Variants in ANKRD31 observed in about 807,000 individuals in gnomAD.
The protein encoded by ANKRD31 is ankyrin repeat domain-containing protein 31.
ANKRD31 carries 147 observed loss-of-function variants against 186.0 expected under a neutral mutation model. That is an observed-to-expected ratio of 0.79 (90% CI 0.69 to 0.91). The LOEUF (loss-of-function observed/expected upper bound fraction) is 0.91. Ranked by LOEUF, ANKRD31 falls within the 40% of genes least tolerant of loss-of-function variation. The pLI, the probability that ANKRD31 is intolerant of heterozygous loss-of-function variation, is 0.00. For missense variants in ANKRD31, 1,986 were observed against 2,148.8 expected (o/e 0.92, Z 1.50); for synonymous variants, 673 against 736.4 (o/e 0.91, Z 1.39).
intron 20 of ANKRD31, among the ~76,000 whole-genome samples, chr5:75,109,336 A>C (rs1747585087): frequency 6.6e-6 from 1 of 152,184 alleles, no homozygotes; most frequent in Non-Finnish European, 1.5e-5. Flanking sequence ...CTTTAAGAAA[A>C]ATTTTCAAAG....
At chr5:75,090,064 C>T (rs1745814143) in intron 23 of ANKRD31, among the ~76,000 whole-genome samples, 1 of 152,150 alleles carries the variant, frequency 6.6e-6, no homozygotes, top group Non-Finnish European at 1.5e-5. Flanking sequence ...GTCCTGTGAG[C>T]TAAGATTCAG....
At chr5:75,188,457 C>T in intron 10 of ANKRD31, 36 bp downstream of exon 10, 3 of 1,519,494 alleles carry the variant, frequency 2.0e-6, no homozygotes, top group East Asian at 2.5e-5. Context: ...CTACAAACCA[C>T]TCTTAAGGTA....
At chr5:75,099,574 G>A (rs1422796752) in intron 22 of ANKRD31, among the ~76,000 whole-genome samples, 1 of 152,026 alleles carries the variant, frequency 6.6e-6, no homozygotes, top group African/African-American at 2.4e-5. Flanking sequence ...ACTTTTTTTG[G>A]TTGGTAGGCT....
intron 1 of ANKRD31, 97 bp downstream of exon 1, chr5:75,236,486 C>T (rs938018268): frequency 3.1e-6 from 3 of 982,996 alleles, no homozygotes; most frequent in Non-Finnish European, 4.4e-6. Context: ...AGCACATGTT[C>T]TGGTCACGAT....
chr5:75,119,534 A>G (rs913113263), intron 17 of ANKRD31, among the ~76,000 whole-genome samples: 1 of 152,184 alleles, frequency 6.6e-6, no homozygotes, highest in African/African-American at 2.4e-5. Context: ...TGTCTTTGCT[A>G]TTGTGAATAG....
chr5:75,104,088 A>G (rs1747130637), intron 22 of ANKRD31, 140 bp downstream of exon 22: 6 of 625,222 alleles, frequency 9.6e-6, no homozygotes, highest in South Asian at 9.3e-5. Flanking sequence ...TAAGAATACA[A>G]TGGTTGTGTC....
At chr5:75,134,040 C>T (rs878938353) in intron 17 of ANKRD31, among the ~76,000 whole-genome samples, 1 of 151,996 alleles carries the variant, frequency 6.6e-6, no homozygotes, top group Non-Finnish European at 1.5e-5. Flanking sequence ...ATTTATAGCA[C>T]TAAATGCCCA....
chr5:75,201,850 A>C (rs1755844219), intron 5 of ANKRD31, among the ~76,000 whole-genome samples: 1 of 152,218 alleles, frequency 6.6e-6, no homozygotes, highest in Admixed American at 6.5e-5. Context: ...GAACCCTGCT[A>C]TCTGTAAGCT....
At chr5:75,181,569 T>C (rs1754296473) in intron 10 of ANKRD31, among the ~76,000 whole-genome samples, 1 of 151,516 alleles carries the variant, frequency 6.6e-6, no homozygotes, top group Non-Finnish European at 1.5e-5. Context: ...AAATGATGAG[T>C]TCATGTCCTT....
At chr5:75,156,751 G>A (rs1371506006) in intron 11 of ANKRD31, among the ~76,000 whole-genome samples, 1 of 152,154 alleles carries the variant, frequency 6.6e-6, no homozygotes, top group Non-Finnish European at 1.5e-5. Flanking sequence ...TCAAAATCAA[G>A]GAAGGCTGGC....
chr5:75,095,029 A>G (rs1037360267), intron 22 of ANKRD31, among the ~76,000 whole-genome samples: 1 of 152,202 alleles, frequency 6.6e-6, no homozygotes, highest in Non-Finnish European at 1.5e-5. Flanking sequence ...AAACAGCATG[A>G]AAATACATGA....
intron 8 of ANKRD31, 80 bp from the exon 9 acceptor site, chr5:75,192,856 C>T (rs1041238325): frequency 9.1e-7 from 1 of 1,096,120 alleles, no homozygotes; most frequent in Non-Finnish European, 1.3e-6. Flanking sequence ...TTTTTGAATA[C>T]AATATTAAAA....
At chr5:75,088,863 T>C (rs1217674582) in intron 23 of ANKRD31, among the ~76,000 whole-genome samples, 1 of 152,198 alleles carries the variant, frequency 6.6e-6, no homozygotes, top group East Asian at 1.9e-4. Context: ...AGCTCCACAA[T>C]CGCTACGTTG....
intron 10 of ANKRD31, among the ~76,000 whole-genome samples, chr5:75,182,944 A>G (rs1732175397): frequency 6.6e-6 from 1 of 152,184 alleles, no homozygotes; most frequent in Non-Finnish European, 1.5e-5. Context: ...ATGATGGGTC[A>G]GGGGGAGGAG....
intron 5 of ANKRD31, among the ~76,000 whole-genome samples, chr5:75,201,749 C>G (rs1345272172): frequency 6.6e-6 from 1 of 152,160 alleles, no homozygotes; most frequent in Admixed American, 6.5e-5. Context: ...ATTACACCCT[C>G]CTCCCTTCTG....
chr5:75,192,878 T>G (rs1755207940), intron 8 of ANKRD31, 102 bp from the exon 9 acceptor site: 1 of 899,944 alleles, frequency 1.1e-6, no homozygotes, highest in East Asian at 2.7e-5. Context: ...TCCAGGGTAT[T>G]TTACTGAGCT....
chr5:75,169,527 T>C (rs1319712413), intron 10 of ANKRD31, among the ~76,000 whole-genome samples: 1 of 152,188 alleles, frequency 6.6e-6, no homozygotes, highest in Non-Finnish European at 1.5e-5. Context: ...CTGGACTACA[T>C]ATCACTCAGT....
chr5:75,191,835 C>G (rs1755137123), intron 9 of ANKRD31, among the ~76,000 whole-genome samples: 1 of 151,990 alleles, frequency 6.6e-6, no homozygotes, highest in Admixed American at 6.6e-5. Context: ...CACTTTCTAA[C>G]AAGTTAATAC....
intron 10 of ANKRD31, among the ~76,000 whole-genome samples, chr5:75,171,304 A>G (rs948929655): frequency 6.6e-6 from 1 of 152,060 alleles, no homozygotes; most frequent in African/African-American, 2.4e-5. Flanking sequence ...TTAGAAATCA[A>G]TAACAGAAAG....
Sources: allele counts gnomAD v4.1 joint callset (sites outside exome capture counted in the v4.1 genomes callset), GRCh38; gene constraint gnomAD v4.1.1; transcripts MANE v1.5; gene names NCBI Gene and HGNC (gene_info 2026-07-23, HGNC 2026-07-21).